Variants in TF observed in about 807,000 individuals in gnomAD.
TF encodes transferrin, also known as serotransferrin.
Under a neutral mutation model 82.4 loss-of-function variants are expected in TF, and 55 were observed. The ratio of observed to expected loss-of-function variants is 0.67; its 90% CI spans 0.54 to 0.84. The LOEUF is 0.84. Among genes scored for constraint, TF ranks in the 40% least tolerant of loss-of-function variants. The pLI, the probability that TF is intolerant of heterozygous loss-of-function variation, is 0.00. For missense variants in TF, 737 were observed against 868.4 expected (o/e 0.85, Z 1.90); for synonymous variants, 332 against 332.6 (o/e 1.00, Z 0.02).
chr3:133,725,921 G>T, the TF span, among the ~76,000 whole-genome samples: 18 of 152,168 alleles, frequency 1.2e-4, no homozygotes, highest in Non-Finnish European at 1.9e-4. Flanking sequence ...TAATCATGTG[G>T]TTTTTGTCTT....
In TF at chr3:133,786,104, A is replaced by G. The variant is rs2107946041; in HGVS notation, c.*7484A>G. 1.3e-5 allele frequency: 1 copy of G among 78,494 alleles called. No individual in the cohort carries two copies. The highest frequency in any genetic ancestry group is 2.8e-5 in the Non-Finnish European group (1 of 36,192). 4.9% of individuals were successfully genotyped at this position (78,494 alleles called of 1,614,324 possible). On this transcript the variant is annotated 3_prime_UTR_variant, in exon 17 of 17. Transcript: ENST00000402696. ...AGGCCGCAGGGTCCTCTGCCTAGGA[A>G]AACCAGAGACCTTTGTTCACTTGTT...
the TF span, among the ~76,000 whole-genome samples, chr3:133,689,324 AAAATAAATAAATAAATAAAATAAC>A: frequency 1.3e-5 from 2 of 152,058 alleles, no homozygotes; most frequent in Non-Finnish European, 2.9e-5. Context: ...ACTCTGCGTC[AAAATAAATAAATAAATAAAATAAC>A]AAATAAATAA....
the TF span, among the ~76,000 whole-genome samples, chr3:133,702,401 C>T: frequency 6.6e-6 from 1 of 152,038 alleles, no homozygotes; most frequent in Non-Finnish European, 1.5e-5. Context: ...ATTGTGAAAG[C>T]AGATCAACCT....
chr3:133,692,510 AG>A, the TF span, among the ~76,000 whole-genome samples: 1 of 152,174 alleles, frequency 6.6e-6, no homozygotes, highest in Non-Finnish European at 1.5e-5. Context: ...TCCACTCAGT[AG>A]GCCCTAATAG....
the TF span, among the ~76,000 whole-genome samples, chr3:133,738,464 G>A: frequency 6.6e-6 from 1 of 152,106 alleles, no homozygotes; most frequent in Non-Finnish European, 1.5e-5. Context: ...TCTCGTCAGG[G>A]CAATCAGGCA....
rs1308057021 is a variant in TF at position 133,792,737 on chromosome 3, AG to A, written c.*14120del. 6.6e-6 allele frequency: 1 copy of A among 152,194 alleles called. No individual in the cohort carries two copies. Among genetic ancestry groups the A allele is most frequent in the Non-Finnish European group, 1.5e-5 (1 of 68,032 alleles). 9.4% of individuals were successfully genotyped at this position (152,194 alleles called of 1,614,324 possible). A position where few individuals can be genotyped will look rare whatever the true frequency, so the allele number is the denominator to read the frequency against. On this transcript the variant is annotated 3_prime_UTR_variant, in exon 17 of 17. Coordinates refer to ENST00000402696, the MANE Select transcript of TF (RefSeq NM_001063.4). The stretch of plus-strand genomic sequence containing the variant: ...AATGTAGATTTTTTTTTCTGTCTAA[AG>A]GGTTAAAGGATTGTTTTAAGTTAGG...
At chr3:133,762,208 T>C (rs375773881) in intron 9 of TF, 9 of 212,658 alleles carry the variant, frequency 4.2e-5, no homozygotes, top group African/African-American at 1.6e-4. Flanking sequence ...CTCCCAGTAA[T>C]AGATGACGTT....
chr3:133,771,509 G>A (rs1289407346), intron 14 of TF, among the ~76,000 whole-genome samples: 5 of 151,534 alleles, frequency 3.3e-5, no homozygotes, highest in South Asian at 2.1e-4. Flanking sequence ...AGGCCGAGGC[G>A]GGTGGATCAT....
the TF span, among the ~76,000 whole-genome samples, chr3:133,680,506 C>T: frequency 6.6e-6 from 1 of 151,150 alleles, no homozygotes; most frequent in East Asian, 1.9e-4. Flanking sequence ...CATCCAGCTA[C>T]TCTCCACCTT....
chr3:133,739,118 A>G, the TF span, among the ~76,000 whole-genome samples: 3 of 152,260 alleles, frequency 2.0e-5, no homozygotes, highest in African/African-American at 7.2e-5. Flanking sequence ...AAACAGATAT[A>G]TAGACCAATG....
At position 133,756,905 on chromosome 3, in the gene TF, G is replaced by T; in HGVS notation, c.766G>T (p.Glu256Ter). ...CLDNTRKPVD[E>*]YKDCHLAQVP... ...GGACAACACCCGGAAGCCGGTAGAT[G>T]AATACAAGGACTGCCACTTGGCCCA... The change falls in exon 7 of 17, where the codon GAA becomes TAA. Residue 256 changes from glutamate to a stop codon, truncating the protein, a stop_gained. Coordinates refer to ENST00000402696, the MANE Select transcript of TF (RefSeq NM_001063.4). LOFTEE classifies it high-confidence loss of function. The T allele has an allele frequency of 1.2e-6, 2 of 1,614,228 alleles. No homozygotes were observed. The highest frequency in any genetic ancestry group is 1.7e-6 in the Non-Finnish European group (2 of 1,180,048).
Position 133,754,662 on chromosome 3 carries a change from C to G in TF, c.493C>G (p.Leu165Val). Reference sequence around the variant, plus strand: ...TGACTTACCTGAGCCACGTAAACCTCTTGAGAAAGGTAAGCTGGCAGGAGT... The same window carrying G: ...TGACTTACCTGAGCCACGTAAACCTGTTGAGAAAGGTAAGCTGGCAGGAGT... Reference protein sequence around the residue: ...YCDLPEPRKPLEKAVANFFSG... With the variant: ...YCDLPEPRKPVEKAVANFFSG... Residue 165 changes from leucine (L) to valine (V), a missense_variant, in exon 4 of 17, where the codon CTT (leucine) becomes GTT (valine). By Grantham distance (32) the Leu-to-Val change is conservative (BLOSUM62 1). Transcript: ENST00000402696. 4 of 1,614,186 alleles carry G rather than the reference C, an allele frequency of 2.5e-6. No individual in the cohort carries two copies. Among genetic ancestry groups the G allele is most frequent in the Middle Eastern group, 3.3e-4 (2 of 6,048 alleles).
At chr3:133,680,926 A>C in the TF span, among the ~76,000 whole-genome samples, 1 of 152,192 alleles carries the variant, frequency 6.6e-6, no homozygotes, top group Non-Finnish European at 1.5e-5. Context: ...AGGGTATGAT[A>C]ATAACTGTGA....
At chr3:133,718,099 T>C in the TF span, among the ~76,000 whole-genome samples, 153 of 151,486 alleles carry the variant, frequency 1.0e-3, no homozygotes, top group African/African-American at 3.6e-3. Context: ...GGGAGAGTGG[T>C]GGGAAGGGGT....
the TF span, among the ~76,000 whole-genome samples, chr3:133,690,963 TTTAA>T: frequency 6.6e-6 from 1 of 152,184 alleles, no homozygotes. Flanking sequence ...GATGCATGCA[TTTAA>T]TTAGAGTCCT....
the TF span, among the ~76,000 whole-genome samples, chr3:133,675,867 G>A: frequency 6.6e-6 from 1 of 152,140 alleles, no homozygotes; most frequent in Non-Finnish European, 1.5e-5. Context: ...TTGAGGAGTT[G>A]CCACAGAGAC....
chr3:133,668,530 T>A, the TF span, among the ~76,000 whole-genome samples: 17 of 152,080 alleles, frequency 1.1e-4, no homozygotes, highest in African/African-American at 3.9e-4. Context: ...AAAGGGAGTT[T>A]TATTGTTGTT....
chr3:133,742,674 T>C (rs1201420549), upstream of TF, among the ~76,000 whole-genome samples: 1 of 152,144 alleles, frequency 6.6e-6, no homozygotes, highest in Non-Finnish European at 1.5e-5. Context: ...TAGAGAAGTC[T>C]CTGGTGTCAG....
the TF span, among the ~76,000 whole-genome samples, chr3:133,726,087 A>G: frequency 6.6e-6 from 1 of 152,202 alleles, no homozygotes; most frequent in Non-Finnish European, 1.5e-5. Flanking sequence ...TTTTGCATCA[A>G]TGTTCATTAA....
Sources: gnomAD v4.1 joint callset for allele counts (sites outside exome capture counted in the v4.1 genomes callset) on GRCh38, gnomAD v4.1.1 for gene constraint, MANE v1.5 for transcripts, NCBI Gene and HGNC (gene_info 2026-07-23, HGNC 2026-07-21) for gene names.